RNGTT: variants seen among roughly 807,000 people sequenced by gnomAD.
The protein encoded by RNGTT is RNA guanylyltransferase and 5'-phosphatase.
Under a neutral mutation model 79.3 loss-of-function variants are expected in RNGTT, and 33 were observed. The observed-to-expected ratio is 0.42, with a 90% CI of 0.32 to 0.56. The LOEUF is 0.56. Ranked by LOEUF, RNGTT falls within the 20% of genes least tolerant of loss-of-function variation. The pLI is 0.17. For synonymous variants in RNGTT, 222 were observed against 235.9 expected (o/e 0.94, Z 0.54); for missense variants, 497 against 739.1 (o/e 0.67, Z 3.80).
intron 14 of RNGTT, among the ~76,000 whole-genome samples, chr6:88,642,548 G>A (rs1773364062): frequency 6.6e-6 from 1 of 152,114 alleles, no homozygotes; most frequent in Non-Finnish European, 1.5e-5. Context: ...GCTGGCTCCC[G>A]TGAAATACCT....
chr6:88,862,174 G>A (rs1473486555), intron 8 of RNGTT, among the ~76,000 whole-genome samples: 4 of 152,146 alleles, frequency 2.6e-5, no homozygotes. Context: ...GTATATTAAT[G>A]AGTTGACTGA....
At chr6:88,901,684 T>C (rs943801878) in intron 6 of RNGTT, among the ~76,000 whole-genome samples, 1 of 151,878 alleles carries the variant, frequency 6.6e-6, no homozygotes. Flanking sequence ...TTTTTTTGTA[T>C]TTTTAGTAGA....
At chr6:88,839,447 A>G (rs564825879) in intron 11 of RNGTT, among the ~76,000 whole-genome samples, 1 of 152,170 alleles carries the variant, frequency 6.6e-6, no homozygotes, top group African/African-American at 2.4e-5. Context: ...GTTCCGGTCT[A>G]TAGTTCCAGC....
intron 13 of RNGTT, among the ~76,000 whole-genome samples, chr6:88,737,277 G>C (rs1275277147): frequency 2.0e-5 from 3 of 152,118 alleles, no homozygotes; most frequent in Non-Finnish European, 2.9e-5. Flanking sequence ...CCATATTTTA[G>C]TAGTACTTGC....
chr6:88,844,329 A>G, intron 11 of RNGTT, 28 bp downstream of exon 11: 1 of 1,584,944 alleles, frequency 6.3e-7, no homozygotes, highest in Non-Finnish European at 8.6e-7. Flanking sequence ...CATTATTAGC[A>G]CTAATTTAAA....
chr6:88,825,343 TG>T (rs1780623222), intron 11 of RNGTT, among the ~76,000 whole-genome samples: 2 of 152,172 alleles, frequency 1.3e-5, no homozygotes, highest in Non-Finnish European at 2.9e-5. Context: ...ACCACATGGG[TG>T]GAGGTACACA....
In RNGTT at chr6:88,674,805, A is replaced by G. The variant is rs79126577; in HGVS notation, c.1506+3548T>C. ...AACAAAAAAATCACAAAACAAATGT[A>G]TTGGCTTCTGGCCAGGTGCAGTGGC... On this transcript the variant is annotated intron_variant, in intron 14 of 15. Transcript: ENST00000369485. 8.3e-3 allele frequency among the ~76,000 whole-genome samples: 1,257 copies of G among 152,276 alleles called. 19 individuals are homozygous for G. The highest frequency in any genetic ancestry group is 0.028 in the African/African-American group (1,184 of 41,550).
intron 14 of RNGTT, among the ~76,000 whole-genome samples, chr6:88,646,907 G>A (rs1246987487): frequency 6.6e-6 from 1 of 152,106 alleles, no homozygotes; most frequent in Non-Finnish European, 1.5e-5. Flanking sequence ...AGGAGTTAAT[G>A]GGTGCAGATA....
At chr6:88,831,056 G>GA (rs764188183) in intron 11 of RNGTT, among the ~76,000 whole-genome samples, 1 of 152,034 alleles carries the variant, frequency 6.6e-6, no homozygotes, top group Non-Finnish European at 1.5e-5. Flanking sequence ...CCAAACAACA[G>GA]AAAAAGAGGG....
Position 88,904,928 on chromosome 6 carries a change from G to A in RNGTT, c.471C>T (p.Ala157=), listed in dbSNP as rs1237008819. The change falls in exon 6 of 16, where the codon GCC becomes GCT. Residue 157 remains alanine, a synonymous_variant. Coordinates refer to ENST00000369485, the MANE Select transcript of RNGTT (RefSeq NM_003800.5). ...TGTAGATTCCTGGTGGTCTGGCTTGGGCAAAAGTAGCAACTGCTGCTTCGA... is the reference window on the plus strand; with the variant it reads ...TGTAGATTCCTGGTGGTCTGGCTTGAGCAAAAGTAGCAACTGCTGCTTCGA... ...WSIEAAVATF[A]QARPPGIYKG... is the part of the protein sequence containing the mutation. The A allele has an allele frequency of 7.4e-6, 12 of 1,613,700 alleles. No homozygotes were observed. The highest frequency in any genetic ancestry group is 9.3e-6 in the Non-Finnish European group (11 of 1,179,940).
At chr6:88,929,897 T>A (rs1252441893) in intron 2 of RNGTT, among the ~76,000 whole-genome samples, 1 of 150,966 alleles carries the variant, frequency 6.6e-6, no homozygotes, top group Non-Finnish European at 1.5e-5. Context: ...TATATACATA[T>A]GTATACATAT....
intron 12 of RNGTT, among the ~76,000 whole-genome samples, chr6:88,771,315 GTATATATATATATA>G (rs539282627): frequency 3.1e-4 from 19 of 62,076 alleles, no homozygotes; most frequent in East Asian, 2.5e-3. Flanking sequence ...GTGTGTGTGT[GTATATATATATATA>G]TATATATATA....
At chr6:88,697,245 G>C (rs2756358) in intron 13 of RNGTT, among the ~76,000 whole-genome samples, 4,105 of 152,184 alleles carry the variant, frequency 0.027, 182 homozygotes, top group African/African-American at 0.094. Flanking sequence ...TAATTCATTA[G>C]TAAACATTAG....
intron 8 of RNGTT, among the ~76,000 whole-genome samples, chr6:88,854,898 C>T (rs1475725061): frequency 1.3e-5 from 2 of 152,070 alleles, no homozygotes; most frequent in South Asian, 2.1e-4. Context: ...AGCTATGCTA[C>T]CAAATGGATA....
rs895610123 is a variant in RNGTT at position 88,702,330 on chromosome 6, A to G, written c.1440-23911T>C. ...TCAAACTATACTACAAGGCTACAGT[A>G]GCCAAACCACATGATACTGGTACAA... On this transcript the variant is annotated intron_variant, in intron 13 of 15. Coordinates refer to ENST00000369485, the MANE Select transcript of RNGTT (RefSeq NM_003800.5). Among the ~76,000 whole-genome samples the G allele has an allele frequency of 2.0e-5, 3 of 152,204 alleles. No homozygotes were observed. In the East Asian group the frequency reaches 5.8e-4, roughly 29 times the overall value.
At chr6:88,856,352 T>C (rs983820522) in intron 8 of RNGTT, among the ~76,000 whole-genome samples, 1 of 152,168 alleles carries the variant, frequency 6.6e-6, no homozygotes, top group Non-Finnish European at 1.5e-5. Context: ...GCCCAGAAGT[T>C]GAGAATTTTA....
chr6:88,927,971 G>A (rs560699736), intron 4 of RNGTT, among the ~76,000 whole-genome samples: 9 of 152,046 alleles, frequency 5.9e-5, no homozygotes, highest in East Asian at 1.9e-4. Flanking sequence ...TTGAGAGGCC[G>A]TGGCAAGAGG....
At chr6:88,649,525 G>A (rs1198275178) in intron 14 of RNGTT, among the ~76,000 whole-genome samples, 2 of 152,066 alleles carry the variant, frequency 1.3e-5, no homozygotes, top group African/African-American at 4.8e-5. Context: ...GTGAAACCAC[G>A]TCTTTAATAA....
At chr6:88,901,697 C>CGG (rs1486872112) in intron 6 of RNGTT, among the ~76,000 whole-genome samples, 1 of 151,650 alleles carries the variant, frequency 6.6e-6, no homozygotes, top group Non-Finnish European at 1.5e-5. Flanking sequence ...TTAGTAGAGA[C>CGG]GGGGTTTCAC....
Sources: gnomAD v4.1 joint callset for allele counts (sites outside exome capture counted in the v4.1 genomes callset) on GRCh38, gnomAD v4.1.1 for gene constraint, MANE v1.5 for transcripts, NCBI Gene and HGNC (gene_info 2026-07-23, HGNC 2026-07-21) for gene names.